The following CYP3A7 variants were observed in gnomAD, a reference collection of about 807,000 sequenced individuals.
CYP3A7 encodes cytochrome P450 3A7.
Under a neutral mutation model 55.2 loss-of-function variants are expected in CYP3A7, and 45 were observed. The observed-to-expected ratio is 0.82, with a 90% CI of 0.64 to 1.05. The LOEUF (loss-of-function observed/expected upper bound fraction) is 1.05. Ranked by LOEUF, CYP3A7 falls within the 50% of genes least tolerant of loss-of-function variation. The pLI is 0.00. For missense variants in CYP3A7, 548 were observed against 605.3 expected (o/e 0.91, Z 0.99); for synonymous variants, 180 against 207.4 (o/e 0.87, Z 1.13).
At chr7:99,714,782 AC>A in intron 7 of CYP3A7, 100 bp from the exon 8 acceptor site, 3 of 1,552,018 alleles carry the variant, frequency 1.9e-6, no homozygotes, top group Non-Finnish European at 2.6e-6. Flanking sequence ...AGAGTGAAAT[AC>A]ATCAGTGTTC....
chr7:99,718,109 C>A (rs1221179908), intron 4 of CYP3A7, among the ~76,000 whole-genome samples: 2 of 151,836 alleles, frequency 1.3e-5, no homozygotes, highest in Non-Finnish European at 2.9e-5. Context: ...ACATCACACA[C>A]TGGGGCCTGT....
chr7:99,710,177 G>A (rs1813696042), intron 10 of CYP3A7, among the ~76,000 whole-genome samples: 1 of 152,222 alleles, frequency 6.6e-6, no homozygotes, highest in African/African-American at 2.4e-5. Flanking sequence ...TCTGAAAACA[G>A]TGTGGTTGAT....
chr7:99,735,040 G>C lies in CYP3A7; in HGVS notation c.54C>G (p.Ser18Arg), dbSNP rs776836680. The change falls in exon 1 of 13, where the codon AGC (serine) becomes AGG (arginine). Residue 18 changes from serine to arginine, a missense_variant. Physicochemically the swap from Ser to Arg is moderately radical, Grantham distance 110. Transcript: ENST00000336374. The stretch of plus-strand genomic sequence containing the variant: ...TTACTCACAGATAGAGGAGTATCAG[G>C]CTGACAGCCAGGAGAAGCCAGGTTT... Reference protein sequence around the residue: ...AVETWLLLAVSLILLYLYGTR... With the variant: ...AVETWLLLAVRLILLYLYGTR... 6.2e-7 allele frequency: 1 copy of C among 1,613,996 alleles called. No individual in the cohort carries two copies. The highest frequency in any genetic ancestry group is 8.5e-7 in the Non-Finnish European group (1 of 1,179,990).
intron 11 of CYP3A7, 66 bp from the exon 12 acceptor site, chr7:99,708,040 G>C (rs1315049618): frequency 6.2e-7 from 1 of 1,610,936 alleles, no homozygotes; most frequent in Admixed American, 1.7e-5. Flanking sequence ...TACATGTTAG[G>C]GTTTCTTACT....
chr7:99,721,822 G>A (rs1211280191), intron 3 of CYP3A7, among the ~76,000 whole-genome samples: 1 of 152,182 alleles, frequency 6.6e-6, no homozygotes, highest in Non-Finnish European at 1.5e-5. Context: ...AGAAGGCTAT[G>A]ATGAGTGGAT....
intron 7 of CYP3A7, among the ~76,000 whole-genome samples, chr7:99,715,165 A>T (rs988219681): frequency 6.6e-6 from 1 of 152,248 alleles, no homozygotes; most frequent in South Asian, 2.1e-4. Context: ...TAAGCAACCA[A>T]TAAGTTGAAG....
chr7:99,725,165 G>A (rs928090726), intron 2 of CYP3A7, among the ~76,000 whole-genome samples: 3 of 152,140 alleles, frequency 2.0e-5, no homozygotes, highest in Non-Finnish European at 4.4e-5. Flanking sequence ...CCAAGGTAAA[G>A]ATGAAAACCC....
At chr7:99,714,328 G>A (rs760245217) in intron 8 of CYP3A7, among the ~76,000 whole-genome samples, 3 of 152,090 alleles carry the variant, frequency 2.0e-5, no homozygotes, top group Non-Finnish European at 4.4e-5. Flanking sequence ...ACTAATTCTT[G>A]TGCCTGATAT....
intron 10 of CYP3A7, 108 bp from the exon 11 acceptor site, chr7:99,709,369 C>T (rs1487751721): frequency 2.7e-6 from 4 of 1,482,066 alleles, no homozygotes; most frequent in Non-Finnish European, 3.7e-6. Flanking sequence ...ACAACTCATA[C>T]TGGCAAAGGA....
intron 1 of CYP3A7, among the ~76,000 whole-genome samples, chr7:99,731,569 A>G (rs762777206): frequency 6.6e-6 from 1 of 152,200 alleles, no homozygotes; most frequent in Non-Finnish European, 1.5e-5. Context: ...TGTCTTCTGC[A>G]GTGATGATGA....
At chr7:99,706,051 C>T (rs1391294967) in intron 12 of CYP3A7, among the ~76,000 whole-genome samples, 1 of 152,186 alleles carries the variant, frequency 6.6e-6, no homozygotes, top group Non-Finnish European at 1.5e-5. Context: ...TCAACTTCCA[C>T]AGTCCAGTAA....
At position 99,706,075 on chromosome 7, in the gene CYP3A7, A is replaced by G. The variant is rs142548826; in HGVS notation, c.1417-480T>C. On this transcript the variant is annotated intron_variant, in intron 12 of 12. Coordinates refer to ENST00000336374, the MANE Select transcript of CYP3A7 (RefSeq NM_000765.5). ...ACAGTCCAGTAATTCCTCTCAATTGAACCCATCTAGTGTAAAGATGGGAAG... is the reference window on the plus strand; with the variant it reads ...ACAGTCCAGTAATTCCTCTCAATTGGACCCATCTAGTGTAAAGATGGGAAG... 3.8e-3 allele frequency among the ~76,000 whole-genome samples: 583 copies of G among 152,312 alleles called. 6 individuals carry two copies. Among genetic ancestry groups the G allele is most frequent in the African/African-American group, 0.011 (471 of 41,568 alleles).
In CYP3A7 at chr7:99,717,653, C is replaced by T. The variant is rs41279866; in HGVS notation, c.319-14G>A. 0.061 allele frequency: 97,603 copies of T among 1,612,818 alleles called. 3,295 individuals carry two copies. The highest frequency in any genetic ancestry group is 0.1 in the Middle Eastern group (606 of 6,046). ...TGGCCCGAAAGGCTAGAGTTCAAAG[C>T]AGAAAGATTTTGTCCTACATCAGTT... On this transcript the variant is annotated splice_polypyrimidine_tract_variant and intron_variant, in intron 4 of 12. Coordinates refer to ENST00000336374, the MANE Select transcript of CYP3A7 (RefSeq NM_000765.5).
At chr7:99,713,422 C>T (rs1223727538) in intron 9 of CYP3A7, 47 bp downstream of exon 9, 2 of 1,611,216 alleles carry the variant, frequency 1.2e-6, no homozygotes, top group South Asian at 1.1e-5. Flanking sequence ...ACAAAACCTT[C>T]CCTCTGAGTG....
rs764133850 is a variant in CYP3A7, at chr7:99,705,514, C to T, written c.1498G>A (p.Val500Ile). 23 of 1,613,350 alleles carry T rather than the reference C, an allele frequency of 1.4e-5. No homozygotes were observed. Among genetic ancestry groups the T allele is most frequent in the South Asian group, 3.3e-5 (3 of 91,088 alleles). ...VLKAESRDET[V>I]SGA ...CCTTAGGGAAATCAGGCTCCACTTACGGTCTCATCCCTTGACTCAGCCTTT... is the reference window on the plus strand; with the variant it reads ...CCTTAGGGAAATCAGGCTCCACTTATGGTCTCATCCCTTGACTCAGCCTTT... Residue 500 changes from valine (V) to isoleucine (I), a missense_variant, in exon 13 of 13, where the codon GTA becomes ATA. Physicochemically the swap from Val to Ile is conservative, Grantham distance 29 (BLOSUM62 3). Coordinates refer to ENST00000336374, the MANE Select transcript of CYP3A7 (RefSeq NM_000765.5).
Position 99,715,993 on chromosome 7 carries a change from G to A in CYP3A7, c.522-87C>T, listed in dbSNP as rs1308681502. The A allele has an allele frequency of 1.9e-6, 3 of 1,609,746 alleles. 1 individual carries two copies. Among genetic ancestry groups the A allele is most frequent in the Non-Finnish European group, 2.5e-6 (3 of 1,178,370 alleles). ...GTGCAGCAGGAAATCCACATGTCCA[G>A]TCAAGACAGACAAACAGCCACAGAC... is the stretch of plus-strand genomic sequence containing the variant. On this transcript the variant is annotated intron_variant, in intron 6 of 12. Transcript: ENST00000336374.
intron 8 of CYP3A7, 86 bp from the exon 9 acceptor site, chr7:99,713,621 C>T: frequency 6.3e-7 from 1 of 1,585,094 alleles, no homozygotes; most frequent in Middle Eastern, 1.7e-4. Context: ...AACCTCCCTT[C>T]TGAGAATATA....
intron 4 of CYP3A7, among the ~76,000 whole-genome samples, chr7:99,717,990 A>T (rs1215109503): frequency 6.6e-6 from 1 of 152,150 alleles, no homozygotes; most frequent in South Asian, 2.1e-4. Flanking sequence ...GCCTCAGACG[A>T]GCTCTGTCTT....
chr7:99,725,339 C>T (rs1350689213), intron 2 of CYP3A7, among the ~76,000 whole-genome samples: 4 of 152,194 alleles, frequency 2.6e-5, no homozygotes, highest in Non-Finnish European at 5.9e-5. Flanking sequence ...TCAAACCCCA[C>T]AACAGGACTT....
Sources: gnomAD v4.1 joint callset for allele counts (sites outside exome capture counted in the v4.1 genomes callset) on GRCh38, gnomAD v4.1.1 for gene constraint, MANE v1.5 for transcripts, NCBI Gene and HGNC (gene_info 2026-07-23, HGNC 2026-07-21) for gene names.